Variants in NLGN2 observed in about 807,000 individuals in gnomAD.
The protein encoded by NLGN2 is neuroligin 2.
In NLGN2, 11 loss-of-function variants were observed where a neutral mutation model predicts 48.6. The ratio of observed to expected loss-of-function variants is 0.23; its 90% confidence interval spans 0.14 to 0.37. The LOEUF is 0.37. NLGN2 is among the 10% of genes least tolerant of loss of function. NLGN2 has a pLI of 1.00. For synonymous variants in NLGN2, 548 were observed against 550.0 expected, an observed-to-expected ratio of 1.00 and a Z score of 0.05; for missense variants, 801 against 1,225.2, an observed-to-expected ratio of 0.65 and a Z score of 5.17.
intron 1 of NLGN2, 118 bp from the exon 2 acceptor site, chr17:7,412,039 C>CA: frequency 3.4e-6 from 1 of 293,960 alleles, no homozygotes; most frequent in Non-Finnish European, 6.7e-6. Flanking sequence ...TTTTCTGCCT[C>CA]CCCCACCCTC....
At position 7,417,816 on chromosome 17, in the gene NLGN2, C is replaced by T. The variant is rs1366843057; in HGVS notation, c.*17C>T. 3 of 1,338,112 alleles carry T rather than the reference C, an allele frequency of 2.2e-6. No homozygotes were observed. Among genetic ancestry groups the T allele is most frequent in the Middle Eastern group, 2.8e-4 (1 of 3,628 alleles). The allele number at this position is 1,338,112 out of a possible 1,614,324, so 82.9% of individuals were successfully genotyped here. A position where few individuals can be genotyped will look rare whatever the true frequency, so the allele number is the denominator to read the frequency against. On this transcript the variant is annotated 3_prime_UTR_variant, in exon 7 of 7. Coordinates refer to ENST00000302926, the MANE Select transcript of NLGN2 (RefSeq NM_020795.4). Reference sequence around the variant, plus strand: ...CGGGTATAGGGGGTGGGTGGGGAGGCCCTCCTCCCCGGCCCTCCCTGGCCC... The same window carrying T: ...CGGGTATAGGGGGTGGGTGGGGAGGTCCTCCTCCCCGGCCCTCCCTGGCCC...
In NLGN2 at chr17:7,408,451, G is replaced by A. The variant is rs771322234; in HGVS notation, c.196G>A (p.Val66Ile). ...GCTCAACAACGAGATCCTGGGCCCC[G>A]TCGTGCAGTTCTTGGGCGTGCCCTA... ...RELNNEILGPVVQFLGVPYAT... is the reference protein window; with the variant it reads ...RELNNEILGPIVQFLGVPYAT... Residue 66 changes from valine (V) to isoleucine (I), a missense_variant, in exon 1 of 7, where the codon GTC becomes ATC. Around this residue, in one of 5 missense-constraint regions of NLGN2, gnomAD observed 164 missense variants for 186.2 expected, o/e 0.88. Coordinates refer to ENST00000302926, the MANE Select transcript of NLGN2 (RefSeq NM_020795.4). This position sits in a 1 kb window ranked among gnomAD's most constrained non-coding sequence, Gnocchi z 7.5. 1.9e-6 allele frequency: 3 copies of A among 1,565,058 alleles called. No homozygotes were observed. The East Asian group carries it at 7.5e-5, about 39-fold the overall frequency.
chr17:7,407,655 T>C (rs906033100), upstream of NLGN2, among the ~76,000 whole-genome samples: 6 of 152,142 alleles, frequency 3.9e-5, no homozygotes, highest in African/African-American at 1.4e-4. Context: ...GAGGAGAACC[T>C]GCCTGGGAGG....
rs186048358 is a variant in NLGN2, at chr17:7,414,640, G to A, written c.659-23G>A. 2.5e-5 allele frequency: 40 copies of A among 1,613,340 alleles called. 1 individual carries two copies. The East Asian group carries it at 8.5e-4, about 34-fold the overall frequency. Reference sequence around the variant, plus strand: ...AGGGGCGCTGTGACACCTCCAGGGAGCCCTCTTCTTCTCTACTCCCAGGTT... The same window carrying A: ...AGGGGCGCTGTGACACCTCCAGGGAACCCTCTTCTTCTCTACTCCCAGGTT... On this transcript the variant is annotated intron_variant, in intron 3 of 6. Transcript: ENST00000302926.
intron 1 of NLGN2, 47 bp from the exon 2 acceptor site, chr17:7,412,110 C>T (rs747668846): frequency 4.3e-5 from 36 of 827,736 alleles, no homozygotes; most frequent in Non-Finnish European, 6.3e-5. Context: ...CCCCATCTTT[C>T]CCCACAAAAT....
rs1482468097 is a variant in NLGN2 at position 7,407,935 on chromosome 17, C to G, written c.-321C>G. ...TGCCCCATCCAATTTCCCTTGCCCT[C>G]TTCCACCTCTGTATTTTTCTGTCTG... On this transcript the variant is annotated 5_prime_UTR_variant, in exon 1 of 7. Coordinates refer to ENST00000302926, the MANE Select transcript of NLGN2 (RefSeq NM_020795.4). 9.1e-6 allele frequency: 2 copies of G among 219,806 alleles called. No individual in the cohort carries two copies. Among genetic ancestry groups the G allele is most frequent in the Middle Eastern group, 2.8e-3 (2 of 704 alleles). 13.6% of individuals were successfully genotyped at this position (219,806 alleles called of 1,614,324 possible).
chr17:7,414,272 GC>G, intron 2 of NLGN2, 71 bp from the exon 3 acceptor site: 1 of 1,430,940 alleles, frequency 7.0e-7, no homozygotes, highest in Non-Finnish European at 9.7e-7. Flanking sequence ...GGAGCTGGGC[GC>G]TGCTGCTTCC....
At position 7,414,876 on chromosome 17, in the gene NLGN2, C is replaced by T. The variant is rs776994157; in HGVS notation, c.844+28C>T. The T allele has an allele frequency of 6.2e-6, 10 of 1,613,876 alleles. No individual in the cohort carries two copies. The Admixed American group carries it at 1.2e-4, about 19-fold the overall frequency. ...ACCAGCAGTGTCCCAGCCTGTTCCACCCTTCCCAACCCTGCCAACTCCCCC... is the reference window on the plus strand; with the variant it reads ...ACCAGCAGTGTCCCAGCCTGTTCCATCCTTCCCAACCCTGCCAACTCCCCC... On this transcript the variant is annotated intron_variant, in intron 4 of 6. Transcript: ENST00000302926.
At chr17:7,410,688 C>T (rs1197967740) in intron 1 of NLGN2, among the ~76,000 whole-genome samples, 1 of 152,222 alleles carries the variant, frequency 6.6e-6, no homozygotes, top group Admixed American at 6.5e-5. Flanking sequence ...CCTGCCCCCA[C>T]ACCACCCTTG....
In NLGN2 at chr17:7,408,238, G is replaced by A. The variant is rs1906730613; in HGVS notation, c.-18G>A. 1.6e-6 allele frequency: 2 copies of A among 1,256,710 alleles called. No homozygotes were observed. Among genetic ancestry groups the A allele is most frequent in the Non-Finnish European group, 2.0e-6 (2 of 990,318 alleles). 77.8% of individuals were successfully genotyped at this position (1,256,710 alleles called of 1,614,324 possible). A position where few individuals can be genotyped will look rare whatever the true frequency, so the allele number is the denominator to read the frequency against. The stretch of plus-strand genomic sequence containing the variant: ...GGGGGGGGGGTCCCAGGGAGGGAGG[G>A]GGGGTCCCCCGATCAGCATGTGGCT... On this transcript the variant is annotated 5_prime_UTR_variant, in exon 1 of 7. Coordinates refer to ENST00000302926, the MANE Select transcript of NLGN2 (RefSeq NM_020795.4). This position sits in a 1 kb window ranked among gnomAD's most constrained non-coding sequence, Gnocchi z 7.5.
rs1906869576 is a variant in NLGN2, at chr17:7,411,146, C to T, written c.458-1011C>T. ...GCGAACCTGGTGCTCCCGGTACCTG[C>T]TGGCACCTGTGTGCCAGGCTGGCTC... is the stretch of plus-strand genomic sequence containing the variant. On this transcript the variant is annotated intron_variant, in intron 1 of 6. Transcript: ENST00000302926. This position sits in a 1 kb window ranked among gnomAD's most constrained non-coding sequence, Gnocchi z 4.5. 6.6e-6 allele frequency among the ~76,000 whole-genome samples: 1 copy of T among 152,276 alleles called. No individual in the cohort carries two copies. The highest frequency in any genetic ancestry group is 1.5e-5 in the Non-Finnish European group (1 of 68,056).
Position 7,408,669 on chromosome 17 carries a change from C to G in NLGN2, c.414C>G (p.Ser138Arg). The change falls in exon 1 of 7, where the codon AGC becomes AGG. Residue 138 changes from serine (S) to arginine (R), a missense_variant. Physicochemically the swap from Ser to Arg is moderately radical, Grantham distance 110. Around this residue, in one of 5 missense-constraint regions of NLGN2, gnomAD observed 56 missense variants for 100.0 expected, o/e 0.56. Transcript: ENST00000302926. This position sits in a 1 kb window ranked among gnomAD's most constrained non-coding sequence, Gnocchi z 7.5. The part of the protein sequence containing the change: ...EAAATYVQNQ[S>R]EDCLYLNLYV... ...CCGCCACCTACGTGCAGAACCAGAG[C>G]GAGGACTGCCTGTACCTCAACCTCT... 6.2e-7 allele frequency: 1 copy of G among 1,613,140 alleles called. No individual in the cohort carries two copies. Among genetic ancestry groups the G allele is most frequent in the Non-Finnish European group, 8.5e-7 (1 of 1,179,830 alleles).
At position 7,417,819 on chromosome 17, in the gene NLGN2, T is replaced by C; in HGVS notation, c.*20T>C. ...GTATAGGGGGTGGGTGGGGAGGCCCTCCTCCCCGGCCCTCCCTGGCCCGGC... is the reference window on the plus strand; with the variant it reads ...GTATAGGGGGTGGGTGGGGAGGCCCCCCTCCCCGGCCCTCCCTGGCCCGGC... On this transcript the variant is annotated 3_prime_UTR_variant, in exon 7 of 7. Coordinates refer to ENST00000302926, the MANE Select transcript of NLGN2 (RefSeq NM_020795.4). 7.6e-7 allele frequency: 1 copy of C among 1,323,226 alleles called. No homozygotes were observed. 82.0% of individuals were successfully genotyped at this position (1,323,226 alleles called of 1,614,324 possible).
At position 7,408,236 on chromosome 17, in the gene NLGN2, G is replaced by A. The variant is rs553801867; in HGVS notation, c.-20G>A. On this transcript the variant is annotated 5_prime_UTR_variant, in exon 1 of 7. Transcript: ENST00000302926. This position sits in a 1 kb window ranked among gnomAD's most constrained non-coding sequence, Gnocchi z 7.5. Reference sequence around the variant, plus strand: ...GAGGGGGGGGGGTCCCAGGGAGGGAGGGGGGGTCCCCCGATCAGCATGTGG... The same window carrying A: ...GAGGGGGGGGGGTCCCAGGGAGGGAAGGGGGGTCCCCCGATCAGCATGTGG... 2.0e-5 allele frequency: 25 copies of A among 1,227,480 alleles called. No individual in the cohort carries two copies. The African/African-American group carries it at 2.7e-4, about 13-fold the overall frequency. 76.0% of individuals were successfully genotyped at this position (1,227,480 alleles called of 1,614,324 possible). A position where few individuals can be genotyped will look rare whatever the true frequency, so the allele number is the denominator to read the frequency against.
At chr17:7,406,645 TGGGGGGGCG>T (rs1267112024), upstream of NLGN2, among the ~76,000 whole-genome samples, 1 of 7,990 alleles carries the variant, frequency 1.3e-4, no homozygotes, top group African/African-American at 6.8e-4. Context: ...TGGCGGCTGG[TGGGGGGGCG>T]GGGGGGGGGC....
chr17:7,410,245 C>A (rs139445194), intron 1 of NLGN2, among the ~76,000 whole-genome samples: 2,449 of 151,580 alleles, frequency 0.016, 36 homozygotes, highest in Admixed American at 0.039. Context: ...CAATACCTCG[C>A]AAATGGACCA....
In NLGN2 at chr17:7,417,746, G is replaced by A. The variant is rs1309189385; in HGVS notation, c.2455G>A (p.Ala819Thr). The A allele has an allele frequency of 1.9e-5, 17 of 882,176 alleles. No homozygotes were observed. The African/African-American group carries it at 3.0e-4, about 16-fold the overall frequency. The allele number at this position is 882,176 out of a possible 1,614,324, so 54.6% of individuals were successfully genotyped here. Reference protein sequence around the residue: ...FGPFPPPPPTATSHNNTLPHP... With the variant: ...FGPFPPPPPTTTSHNNTLPHP... ...GCCCTTCCCCCCGCCCCCTCCCACC[G>A]CCACCAGCCACAACAACACGCTACC... Residue 819 changes from alanine (A) to threonine (T), a missense_variant, in exon 7 of 7, where the codon GCC becomes ACC. By Grantham distance (58) the Ala-to-Thr change is moderately conservative. Around this residue, in one of 5 missense-constraint regions of NLGN2, gnomAD observed 276 missense variants for 313.9 expected, o/e 0.88. Transcript: ENST00000302926.
Position 7,408,210 on chromosome 17 carries a change from CGAGGGGGGGGGGTCCCAGGGAGG to C in NLGN2, c.-36_-14del. ...CCTCTCCCCCCCTTCTCTCTCTCTC[CGAGGGGGGGGGGTCCCAGGGAGG>C]GAGGGGGGGTCCCCCGATCAGCATG... On this transcript the variant is annotated 5_prime_UTR_variant, in exon 1 of 7. Transcript: ENST00000302926. The surrounding 1 kb of genome is among the most constrained non-coding windows in gnomAD (Gnocchi z 7.5). 9.2e-7 allele frequency: 1 copy of C among 1,084,160 alleles called. No homozygotes were observed. Among genetic ancestry groups the C allele is most frequent in the Non-Finnish European group, 1.2e-6 (1 of 834,498 alleles). 67.2% of individuals were successfully genotyped at this position (1,084,160 alleles called of 1,614,324 possible). A position where few individuals can be genotyped will look rare whatever the true frequency, so the allele number is the denominator to read the frequency against.
At chr17:7,409,350 CCGTCTTCCCT>C (rs892620413) in intron 1 of NLGN2, among the ~76,000 whole-genome samples, 41 of 152,188 alleles carry the variant, frequency 2.7e-4, no homozygotes, top group African/African-American at 9.4e-4. Context: ...CACAGCCCAC[CCGTCTTCCCT>C]GGGGCTCTTG....
Sources: gnomAD v4.1 joint callset for allele counts (sites outside exome capture counted in the v4.1 genomes callset) on GRCh38, gnomAD v4.1.1 for gene constraint, gnomAD v4.1.1 regional missense constraint, Gnocchi (gnomAD v3.1) non-coding constraint, MANE v1.5 for transcripts, NCBI Gene and HGNC (gene_info 2026-07-23, HGNC 2026-07-21) for gene names.